CCDC178: variants seen among roughly 807,000 people sequenced by gnomAD.
CCDC178 encodes the protein coiled-coil domain-containing protein 178.
In CCDC178, 126 loss-of-function variants were observed where a neutral mutation model predicts 117.4. The ratio of observed to expected loss-of-function variants is 1.07; its 90% CI spans 0.93 to 1.24. CCDC178 has a LOEUF of 1.24. Among genes scored for constraint, CCDC178 ranks in the 50% most tolerant of loss-of-function variants. The pLI, the probability that CCDC178 is intolerant of heterozygous loss-of-function variation, is 0.00. For missense variants in CCDC178, 1,030 were observed against 986.9 expected (o/e 1.04, Z -0.59); for synonymous variants, 283 against 313.4 (o/e 0.90, Z 1.02).
intron 5 of CCDC178, among the ~76,000 whole-genome samples, chr18:33,383,938 C>G (rs1457116854): frequency 6.6e-6 from 1 of 152,066 alleles, no homozygotes; most frequent in African/African-American, 2.4e-5. Context: ...TATGTTCTAA[C>G]ACAATGCAAA....
chr18:33,111,107 TGTTAAATATATACCTA>T (rs2057775400), intron 20 of CCDC178, among the ~76,000 whole-genome samples: 2 of 151,632 alleles, frequency 1.3e-5, no homozygotes, highest in Non-Finnish European at 3.0e-5. Flanking sequence ...GTACATCTTT[TGTTAAATATATACCTA>T]GTTAAATATA....
intron 8 of CCDC178, among the ~76,000 whole-genome samples, chr18:33,347,788 A>G (rs2062917129): frequency 6.6e-6 from 1 of 152,062 alleles, no homozygotes; most frequent in Non-Finnish European, 1.5e-5. Context: ...TACTATTTCA[A>G]TAATAAATTC....
At chr18:33,371,792 C>T (rs917865283) in intron 5 of CCDC178, among the ~76,000 whole-genome samples, 1 of 125,118 alleles carries the variant, frequency 8.0e-6, no homozygotes, top group South Asian at 2.3e-4. Flanking sequence ...TATACACACA[C>T]ACACACACAC....
intron 21 of CCDC178, among the ~76,000 whole-genome samples, chr18:33,010,503 C>T (rs1568215422): frequency 6.6e-6 from 1 of 152,116 alleles, no homozygotes. Flanking sequence ...CAAAATATTT[C>T]AGACCAAATA....
intron 22 of CCDC178, among the ~76,000 whole-genome samples, chr18:32,972,062 G>C (rs2054938637): frequency 6.6e-6 from 1 of 151,952 alleles, no homozygotes; most frequent in South Asian, 2.1e-4. Context: ...TTTTGAAATT[G>C]GTTTTGGTGT....
intron 14 of CCDC178, among the ~76,000 whole-genome samples, chr18:33,248,306 G>T (rs1418356851): frequency 6.6e-6 from 1 of 151,440 alleles, no homozygotes; most frequent in Non-Finnish European, 1.5e-5. Flanking sequence ...AACTTCTAGG[G>T]TACATGTGCA....
intron 21 of CCDC178, among the ~76,000 whole-genome samples, chr18:33,070,856 A>C (rs746181187): frequency 6.6e-6 from 1 of 152,118 alleles, no homozygotes; most frequent in Non-Finnish European, 1.5e-5. Flanking sequence ...ACAAAGAGAC[A>C]GTTTTCAAAT....
chr18:33,357,850 G>A (rs201219025), intron 6 of CCDC178, among the ~76,000 whole-genome samples: 8 of 135,528 alleles, frequency 5.9e-5, no homozygotes, highest in Non-Finnish European at 9.7e-5. Flanking sequence ...GTGTGTGTGT[G>A]TATACACACA....
At position 33,227,249 on chromosome 18, in the gene CCDC178, A is replaced by C. The variant is rs370038483; in HGVS notation, c.1594-394T>G. Among the ~76,000 whole-genome samples, 29 of 151,818 alleles carry C rather than the reference A, an allele frequency of 1.9e-4. No individual in the cohort carries two copies. The East Asian group carries it at 5.4e-3, about 28-fold the overall frequency. On this transcript the variant is annotated intron_variant, in intron 15 of 22. Transcript: ENST00000383096. ...GATGCAAGTCAAGTGTGAAGTGTGC[A>C]AAATAAGAGCAGACTCTCCATTTAG...
At chr18:33,083,204 G>A (rs1321482674) in intron 21 of CCDC178, among the ~76,000 whole-genome samples, 2 of 152,182 alleles carry the variant, frequency 1.3e-5, no homozygotes, top group African/African-American at 4.8e-5. Flanking sequence ...AGAGGTAAAT[G>A]ACTTGCTCAA....
intron 20 of CCDC178, among the ~76,000 whole-genome samples, chr18:33,191,556 T>C (rs1164776220): frequency 1.3e-5 from 2 of 152,150 alleles, no homozygotes; most frequent in African/African-American, 4.8e-5. Context: ...TACCAGAATA[T>C]ATAATATTAG....
intron 3 of CCDC178, among the ~76,000 whole-genome samples, chr18:33,408,861 G>T (rs186696937): frequency 6.6e-6 from 1 of 152,064 alleles, no homozygotes; most frequent in Non-Finnish European, 1.5e-5. Context: ...AGAAAATACT[G>T]CCTGCAAAGC....
chr18:33,183,390 C>A (rs1192823907), intron 20 of CCDC178, among the ~76,000 whole-genome samples: 1 of 151,794 alleles, frequency 6.6e-6, no homozygotes, highest in Non-Finnish European at 1.5e-5. Flanking sequence ...TGGGAGATTT[C>A]ACATTAGATA....
intron 11 of CCDC178, among the ~76,000 whole-genome samples, chr18:33,321,489 T>C (rs1599158305): frequency 1.3e-5 from 2 of 152,152 alleles, no homozygotes; most frequent in Non-Finnish European, 2.9e-5. Context: ...AATGTACTTA[T>C]CTGTTATACA....
At chr18:33,211,819 A>T (rs2059111055) in intron 20 of CCDC178, 77 bp downstream of exon 20, 1 of 1,235,754 alleles carries the variant, frequency 8.1e-7, no homozygotes, top group Admixed American at 2.6e-5. Context: ...TTCAGGATAA[A>T]AATTGTCTCA....
chr18:33,354,229 A>G (rs2063020554), intron 7 of CCDC178, among the ~76,000 whole-genome samples: 1 of 152,172 alleles, frequency 6.6e-6, no homozygotes, highest in Non-Finnish European at 1.5e-5. Context: ...TGTCCCAGGC[A>G]TTTGACAAGT....
chr18:33,355,044 G>A (rs995485940), intron 7 of CCDC178, among the ~76,000 whole-genome samples: 3 of 152,076 alleles, frequency 2.0e-5, no homozygotes, highest in African/African-American at 7.2e-5. Context: ...TAAGTCAATT[G>A]ATTTATCTTT....
intron 15 of CCDC178, among the ~76,000 whole-genome samples, chr18:33,236,658 A>G (rs2059430011): frequency 6.6e-6 from 1 of 152,204 alleles, no homozygotes; most frequent in Admixed American, 6.5e-5. Flanking sequence ...CCTGGAGTTC[A>G]TCCGCACCCC....
At chr18:33,074,053 G>T (rs775432367) in intron 21 of CCDC178, among the ~76,000 whole-genome samples, 2 of 152,120 alleles carry the variant, frequency 1.3e-5, no homozygotes, top group Non-Finnish European at 2.9e-5. Flanking sequence ...GCACACTGAG[G>T]TGAGTGAGAG....
Sources: allele counts gnomAD v4.1 joint callset (sites outside exome capture counted in the v4.1 genomes callset), GRCh38; gene constraint gnomAD v4.1.1; transcripts MANE v1.5; gene names NCBI Gene and HGNC (gene_info 2026-07-23, HGNC 2026-07-21).